The following DMXL2 variants were observed in gnomAD, a reference collection of about 807,000 sequenced individuals.
DMXL2 encodes Dmx like 2, also known as dmX-like protein 2.
In DMXL2, 103 loss-of-function variants were observed where a neutral mutation model predicts 331.1. The observed-to-expected ratio is 0.31, with a 90% confidence interval of 0.27 to 0.37. The LOEUF is 0.37. Among genes scored for constraint, DMXL2 ranks in the 10% least tolerant of loss-of-function variants. The pLI, the probability that DMXL2 is intolerant of heterozygous loss-of-function variation, is 1.00. For synonymous variants in DMXL2, 1,281 were observed against 1,252.1 expected, an observed-to-expected ratio of 1.02 and a Z score of -0.49; for missense variants, 3,171 against 3,642.9, an observed-to-expected ratio of 0.87 and a Z score of 3.33.
chr15:51,595,266 A>C (rs1282066326), intron 1 of DMXL2, among the ~76,000 whole-genome samples: 1 of 152,244 alleles, frequency 6.6e-6, no homozygotes, highest in Non-Finnish European at 1.5e-5. Flanking sequence ...AAGCATTCTT[A>C]TATACCAATA....
In DMXL2 at chr15:51,578,107, A is replaced by G. The variant is rs577442498; in HGVS notation, c.88-1926T>C. Among the ~76,000 whole-genome samples the G allele has an allele frequency of 2.6e-5, 4 of 152,292 alleles. No homozygotes were observed. In the East Asian group the frequency reaches 7.7e-4, roughly 29 times the overall value. ...TAAAATAGTAGAAGACAGAAGAAGT[A>G]CTCAACAAGTGTTGGATCACTCTCT... On this transcript the variant is annotated intron_variant, in intron 1 of 43. Coordinates refer to ENST00000560891, the MANE Select transcript of DMXL2 (RefSeq NM_001378457.1).
At chr15:51,558,953 T>C (rs562261775) in intron 6 of DMXL2, among the ~76,000 whole-genome samples, 16 of 152,228 alleles carry the variant, frequency 1.1e-4, no homozygotes, top group Non-Finnish European at 2.4e-4. Flanking sequence ...TGCTACGTAT[T>C]TTATTTTATG....
Position 51,448,964 on chromosome 15 carries a change from T to C in DMXL2, c.*20A>G. 6.2e-7 allele frequency: 1 copy of C among 1,611,438 alleles called. No homozygotes were observed. Among genetic ancestry groups the C allele is most frequent in the Non-Finnish European group, 8.5e-7 (1 of 1,178,428 alleles). On this transcript the variant is annotated 3_prime_UTR_variant, in exon 44 of 44. Transcript: ENST00000560891. ...GTGTGCCTTTTAACTGAAATGTATA[T>C]AAAAATAAAACCCCAATCTTTATAG...
At chr15:51,612,463 G>C (rs536854702) in intron 1 of DMXL2, among the ~76,000 whole-genome samples, 1 of 152,256 alleles carries the variant, frequency 6.6e-6, no homozygotes, top group African/African-American at 2.4e-5. Flanking sequence ...GGGAAATAAA[G>C]GGAAAGAGTA....
chr15:51,542,344 T>C lies in DMXL2; in HGVS notation c.1094A>G (p.Asn365Ser), dbSNP rs750370027. ...ACTTTATCCTTTACCTGTGGCAGGG[T>C]TGATGCTTGCTGCAATATGAAAATG... Reference protein sequence around the residue: ...LCHFHIAASINPATDIPNVLV... With the variant: ...LCHFHIAASISPATDIPNVLV... Residue 365 changes from asparagine to serine, a missense_variant, in exon 9 of 44, where the codon AAC (asparagine) becomes AGC (serine). Transcript: ENST00000560891. 1.2e-6 allele frequency: 2 copies of C among 1,613,046 alleles called. No homozygotes were observed. The highest frequency in any genetic ancestry group is 1.7e-5 in the Admixed American group (1 of 59,964).
At chr15:51,506,200 G>A (rs572925518) in intron 16 of DMXL2, among the ~76,000 whole-genome samples, 1 of 152,114 alleles carries the variant, frequency 6.6e-6, no homozygotes, top group East Asian at 1.9e-4. Flanking sequence ...AGCCTCCCAA[G>A]TATAGGTACA....
intron 1 of DMXL2, among the ~76,000 whole-genome samples, chr15:51,576,826 A>T (rs569872668): frequency 1.3e-5 from 2 of 152,320 alleles, no homozygotes; most frequent in East Asian, 3.9e-4. Flanking sequence ...TGTTTTACCA[A>T]AGGTAAAAAA....
chr15:51,457,238 G>C (rs1448618256), intron 37 of DMXL2, 90 bp downstream of exon 37: 15 of 1,383,634 alleles, frequency 1.1e-5, no homozygotes, highest in Non-Finnish European at 1.5e-5. Context: ...GTTTGTCCCT[G>C]AAATTTAGGA....
intron 7 of DMXL2, among the ~76,000 whole-genome samples, chr15:51,546,070 A>T (rs986257811): frequency 1.3e-5 from 2 of 152,234 alleles, no homozygotes; most frequent in Admixed American, 1.3e-4. Flanking sequence ...ATTGCAAATT[A>T]GAGAATGACC....
intron 1 of DMXL2, among the ~76,000 whole-genome samples, chr15:51,618,858 A>C (rs1322975442): frequency 6.6e-6 from 1 of 152,216 alleles, no homozygotes; most frequent in Non-Finnish European, 1.5e-5. Flanking sequence ...AAATCATTTT[A>C]ATCTCTGCCA....
At chr15:51,500,449 A>G (rs573136728) in intron 17 of DMXL2, among the ~76,000 whole-genome samples, 1 of 152,228 alleles carries the variant, frequency 6.6e-6, no homozygotes, top group African/African-American at 2.4e-5. Context: ...CAAGGTATGC[A>G]ATAATAATCA....
chr15:51,568,310 G>A lies in DMXL2; in HGVS notation c.285+177C>T. ...ATTCTAGAGACTTGGGTTTCTAAAA[G>A]CACTAGGGATGTATCCGTAGTGAAT... On this transcript the variant is annotated intron_variant, in intron 3 of 43. Coordinates refer to ENST00000560891, the MANE Select transcript of DMXL2 (RefSeq NM_001378457.1). 3 of 504,028 alleles carry A rather than the reference G, an allele frequency of 6.0e-6. No homozygotes were observed. In the South Asian group the frequency reaches 9.8e-5, roughly 16 times the overall value. 31.2% of individuals were successfully genotyped at this position (504,028 alleles called of 1,614,324 possible). A position where few individuals can be genotyped will look rare whatever the true frequency, so the allele number is the denominator to read the frequency against.
chr15:51,479,944 T>A lies in DMXL2; in HGVS notation c.6756+4A>T, dbSNP rs2041889512. ...ATATCAAATGATCATAAACTTTACATTACCTTCACATCTTCAATACTGGGA... is the reference window on the plus strand; with the variant it reads ...ATATCAAATGATCATAAACTTTACAATACCTTCACATCTTCAATACTGGGA... On this transcript the variant is annotated splice_donor_region_variant and intron_variant, in intron 25 of 43. Transcript: ENST00000560891. 1 of 1,490,424 alleles carries A rather than the reference T, an allele frequency of 6.7e-7. No individual in the cohort carries two copies. The highest frequency in any genetic ancestry group is 1.4e-5 in the South Asian group (1 of 70,016). The allele number at this position is 1,490,424 out of a possible 1,614,324, so 92.3% of individuals were successfully genotyped here.
rs755852397 is a variant in DMXL2 at position 51,536,415 on chromosome 15, A to G, written c.2065T>C (p.Leu689=). ...LDCQWDSDNK[L]SRLMDPVKHI... ...TTTACAGGGTCCATTAATCTACTTAATTTATTGTCTGAGTCCCACTGACAA... is the reference window on the plus strand; with the variant it reads ...TTTACAGGGTCCATTAATCTACTTAGTTTATTGTCTGAGTCCCACTGACAA... The change falls in exon 12 of 44, where the codon TTA becomes CTA. Residue 689 remains leucine (L), a synonymous_variant. Transcript: ENST00000560891. 4 of 1,613,852 alleles carry G rather than the reference A, an allele frequency of 2.5e-6. No individual in the cohort carries two copies. The African/African-American group carries it at 5.3e-5, about 22-fold the overall frequency.
At chr15:51,617,905 A>T (rs1233875845) in intron 1 of DMXL2, among the ~76,000 whole-genome samples, 2 of 152,188 alleles carry the variant, frequency 1.3e-5, no homozygotes, top group Non-Finnish European at 2.9e-5. Context: ...GCAGGGACAT[A>T]AGAACTTATA....
rs1452794877 is a variant in DMXL2 at position 51,453,566 on chromosome 15, G to A, written c.8680C>T (p.His2894Tyr). The A allele has an allele frequency of 1.9e-6, 3 of 1,613,130 alleles. No individual in the cohort carries two copies. Among genetic ancestry groups the A allele is most frequent in the Non-Finnish European group, 2.5e-6 (3 of 1,179,496 alleles). The part of the protein sequence containing the change: ...TSSSLVATSG[H>Y]SNDNRNVCLW... ...TCAACCTACCTATTGTCATTGGAGTGTCCAGATGTGGCAACTAGACTTGAA... is the reference window on the plus strand; with the variant it reads ...TCAACCTACCTATTGTCATTGGAGTATCCAGATGTGGCAACTAGACTTGAA... The change falls in exon 41 of 44, where the codon CAC becomes TAC. Residue 2894 changes from histidine (H) to tyrosine (Y), a missense_variant. His to Tyr is a moderately conservative substitution (Grantham distance 83). Coordinates refer to ENST00000560891, the MANE Select transcript of DMXL2 (RefSeq NM_001378457.1).
At chr15:51,585,338 AG>A (rs1271878836) in intron 1 of DMXL2, among the ~76,000 whole-genome samples, 2 of 149,232 alleles carry the variant, frequency 1.3e-5, no homozygotes, top group African/African-American at 2.5e-5. Flanking sequence ...TTTAGCATGA[AG>A]GGTTGTTGAA....
chr15:51,559,980 G>A (rs2049850418), intron 6 of DMXL2, among the ~76,000 whole-genome samples: 1 of 152,122 alleles, frequency 6.6e-6, no homozygotes, highest in Admixed American at 6.5e-5. Context: ...GAGCCTAACA[G>A]ACATGTACAA....
At chr15:51,577,725 C>G (rs1223399715) in intron 1 of DMXL2, among the ~76,000 whole-genome samples, 1 of 152,146 alleles carries the variant, frequency 6.6e-6, no homozygotes, top group African/African-American at 2.4e-5. Context: ...ATATCATTAT[C>G]TCAGCAAAGT....
Sources: gnomAD v4.1 joint callset for allele counts (sites outside exome capture counted in the v4.1 genomes callset) on GRCh38, gnomAD v4.1.1 for gene constraint, MANE v1.5 for transcripts, NCBI Gene and HGNC (gene_info 2026-07-23, HGNC 2026-07-21) for gene names.